The following TAFA5 variants were observed in gnomAD, a reference collection of about 807,000 sequenced individuals.
TAFA5 encodes the protein chemokine-like protein TAFA-5.
Under a neutral mutation model 15.3 loss-of-function variants are expected in TAFA5, and 6 were observed. The ratio of observed to expected loss-of-function variants is 0.39; its 90% CI spans 0.21 to 0.77. The LOEUF (loss-of-function observed/expected upper bound fraction) is 0.77. TAFA5 is among the 30% of genes least tolerant of loss of function. TAFA5 has a pLI of 0.41. For missense variants in TAFA5, 161 were observed against 193.1 expected (o/e 0.83, Z 0.98); for synonymous variants, 103 against 80.7 (o/e 1.28, Z -1.48).
At chr22:48,687,212 T>G (rs1442194243) in intron 2 of TAFA5, among the ~76,000 whole-genome samples, 1 of 146,500 alleles carries the variant, frequency 6.8e-6, no homozygotes, top group African/African-American at 2.6e-5. Context: ...GTGGGTGGTG[T>G]ATGGTGGATG....
At chr22:48,506,614 G>C (rs1181958759) in intron 1 of TAFA5, among the ~76,000 whole-genome samples, 1 of 152,148 alleles carries the variant, frequency 6.6e-6, no homozygotes, top group Non-Finnish European at 1.5e-5. Context: ...CCCCCTGCCA[G>C]CCTGTCCTCA....
chr22:48,506,882 G>C (rs150432870), intron 1 of TAFA5, among the ~76,000 whole-genome samples: 1 of 152,342 alleles, frequency 6.6e-6, no homozygotes, highest in African/African-American at 2.4e-5. Context: ...TGGGAGGGCT[G>C]GACACGTCAG....
At chr22:48,580,418 G>A (rs1246708761) in intron 1 of TAFA5, among the ~76,000 whole-genome samples, 1 of 152,234 alleles carries the variant, frequency 6.6e-6, no homozygotes, top group Non-Finnish European at 1.5e-5. Flanking sequence ...GAACTTCTTA[G>A]GAGACACAGC....
intron 1 of TAFA5, among the ~76,000 whole-genome samples, chr22:48,627,209 G>T (rs1275052597): frequency 6.6e-6 from 1 of 152,238 alleles, no homozygotes; most frequent in Admixed American, 6.5e-5. Flanking sequence ...TTTTCTGGAA[G>T]TTCAGTCTTT....
intron 1 of TAFA5, among the ~76,000 whole-genome samples, chr22:48,493,788 G>A (rs749606934): frequency 2.6e-5 from 4 of 152,156 alleles, no homozygotes; most frequent in African/African-American, 7.2e-5. Flanking sequence ...ATTTTCCCAC[G>A]CAGGGACCCC....
At chr22:48,668,791 C>A (rs147389682) in intron 2 of TAFA5, among the ~76,000 whole-genome samples, 11 of 152,138 alleles carry the variant, frequency 7.2e-5, no homozygotes, top group African/African-American at 2.4e-4. Flanking sequence ...CCACAGGCCG[C>A]GATCTTGGGA....
intron 1 of TAFA5, among the ~76,000 whole-genome samples, chr22:48,499,485 C>T (rs897555479): frequency 2.6e-5 from 4 of 152,178 alleles, no homozygotes; most frequent in Non-Finnish European, 2.9e-5. Context: ...TCCATCTCTG[C>T]GCCTCCCCCA....
At chr22:48,513,788 C>T (rs1371878882) in intron 1 of TAFA5, among the ~76,000 whole-genome samples, 2 of 152,214 alleles carry the variant, frequency 1.3e-5, no homozygotes, top group African/African-American at 4.8e-5. Flanking sequence ...TCACAGAGAC[C>T]ACCTCATCTG....
chr22:48,715,171 A>G (rs1450428778), intron 3 of TAFA5, among the ~76,000 whole-genome samples: 2 of 152,230 alleles, frequency 1.3e-5, no homozygotes, highest in Non-Finnish European at 2.9e-5. Flanking sequence ...CACCCGGCCC[A>G]GATCAGAACC....
At chr22:48,596,653 ACCGAGGCC>A (rs763424525) in intron 1 of TAFA5, among the ~76,000 whole-genome samples, 3 of 152,074 alleles carry the variant, frequency 2.0e-5, no homozygotes, top group Non-Finnish European at 4.4e-5. Context: ...GCTGTTATTA[ACCGAGGCC>A]CATGGTTCAC....
At chr22:48,704,110 C>A (rs200433638) in intron 2 of TAFA5, among the ~76,000 whole-genome samples, 1 of 152,048 alleles carries the variant, frequency 6.6e-6, no homozygotes, top group Admixed American at 6.6e-5. Context: ...TGGGAGCCCA[C>A]GTGGGGATTT....
intron 1 of TAFA5, among the ~76,000 whole-genome samples, chr22:48,582,963 C>CACACAAAAT (rs1417126498): frequency 2.7e-5 from 4 of 149,448 alleles, no homozygotes; most frequent in Non-Finnish European, 4.5e-5. Flanking sequence ...ACACACACCA[C>CACACAAAAT]ACACCACACA....
chr22:48,618,619 G>A (rs564777478), intron 1 of TAFA5, among the ~76,000 whole-genome samples: 32 of 152,154 alleles, frequency 2.1e-4, no homozygotes, highest in Non-Finnish European at 1.9e-4. Flanking sequence ...TCTGTAATCG[G>A]GTGGCCTTGT....
At chr22:48,548,105 A>G (rs1040569641) in intron 1 of TAFA5, among the ~76,000 whole-genome samples, 24 of 152,322 alleles carry the variant, frequency 1.6e-4, no homozygotes, top group African/African-American at 5.8e-4. Flanking sequence ...GCAGGTGCAC[A>G]GGCCCAGCTT....
At chr22:48,647,766 C>G (rs1353849737) in intron 2 of TAFA5, among the ~76,000 whole-genome samples, 1 of 152,118 alleles carries the variant, frequency 6.6e-6, no homozygotes, top group Non-Finnish European at 1.5e-5. Flanking sequence ...GGTGAAGGAC[C>G]CCACGCAGGG....
intron 1 of TAFA5, among the ~76,000 whole-genome samples, chr22:48,558,135 G>A (rs963907934): frequency 3.3e-5 from 5 of 152,186 alleles, no homozygotes; most frequent in African/African-American, 7.2e-5. Flanking sequence ...AGAGCAAGCC[G>A]GGCCTGTGCC....
At chr22:48,697,343 A>G (rs1390177578) in intron 2 of TAFA5, among the ~76,000 whole-genome samples, 2 of 125,372 alleles carry the variant, frequency 1.6e-5, no homozygotes, top group African/African-American at 5.4e-5. Context: ...GACAGTGGTG[A>G]TGATGATGAT....
intron 3 of TAFA5, among the ~76,000 whole-genome samples, chr22:48,734,215 T>G (rs1929945769): frequency 6.6e-6 from 1 of 152,054 alleles, no homozygotes; most frequent in South Asian, 2.1e-4. Context: ...TTGGCACCTG[T>G]GTAAAATGTA....
intron 1 of TAFA5, among the ~76,000 whole-genome samples, chr22:48,631,315 A>G (rs1926218669): frequency 6.6e-6 from 1 of 152,102 alleles, no homozygotes; most frequent in Non-Finnish European, 1.5e-5. Context: ...GGGCAGCCCC[A>G]CCCAGCCACA....
Sources: allele counts gnomAD v4.1 joint callset (sites outside exome capture counted in the v4.1 genomes callset), GRCh38; gene constraint gnomAD v4.1.1; transcripts MANE v1.5; gene names NCBI Gene and HGNC (gene_info 2026-07-23, HGNC 2026-07-21).